Variants in CDH13 observed in about 807,000 individuals in gnomAD.
CDH13 encodes cadherin-13.
Under a neutral mutation model 63.8 loss-of-function variants are expected in CDH13, and 24 were observed. The ratio of observed to expected loss-of-function variants is 0.38; its 90% CI spans 0.27 to 0.53. The LOEUF (loss-of-function observed/expected upper bound fraction) is 0.53, where lower values mean the gene tolerates loss of function less well. Ranked by LOEUF, CDH13 falls within the 20% of genes least tolerant of loss-of-function variation. The pLI is 0.85. For missense variants in CDH13, 1,049 were observed against 903.1 expected (o/e 1.16, Z -2.07); for synonymous variants, 503 against 355.3 (o/e 1.42, Z -4.67).
chr16:82,960,147 A>T (rs1906751110), intron 2 of CDH13, among the ~76,000 whole-genome samples: 2 of 152,082 alleles, frequency 1.3e-5, no homozygotes, highest in South Asian at 4.1e-4. Flanking sequence ...ATCAGAAGGG[A>T]GCCTCTGCAG....
chr16:82,875,099 T>C (rs146377582), intron 2 of CDH13, among the ~76,000 whole-genome samples: 27 of 152,318 alleles, frequency 1.8e-4, no homozygotes, highest in Admixed American at 3.3e-4. Flanking sequence ...TTGTTCATTT[T>C]TGGGGCATGA....
intron 6 of CDH13, among the ~76,000 whole-genome samples, chr16:83,462,454 C>T (rs915877170): frequency 6.6e-6 from 1 of 152,148 alleles, no homozygotes; most frequent in Admixed American, 6.5e-5. Context: ...GTGGTGAGAT[C>T]AAGAAAGAAA....
chr16:83,264,089 C>G (rs1907307454), intron 5 of CDH13, among the ~76,000 whole-genome samples: 1 of 152,148 alleles, frequency 6.6e-6, no homozygotes, highest in Non-Finnish European at 1.5e-5. Flanking sequence ...CTGCCATTAT[C>G]ATAAGTTGGA....
chr16:83,790,180 C>T (rs1916166405), intron 13 of CDH13: 1 of 152,136 alleles, frequency 6.6e-6, no homozygotes, highest in Admixed American at 6.5e-5. Flanking sequence ...ATCAGCGAGG[C>T]CAGCATTCAC....
chr16:83,137,670 GC>G (rs2036352147), intron 4 of CDH13, among the ~76,000 whole-genome samples: 2 of 152,114 alleles, frequency 1.3e-5, no homozygotes, highest in African/African-American at 2.4e-5. Context: ...AGATATCACT[GC>G]CCGTTTTTCT....
chr16:83,664,907 A>C (rs2150844069), intron 8 of CDH13, among the ~76,000 whole-genome samples: 1 of 152,364 alleles, frequency 6.6e-6, no homozygotes, highest in East Asian at 1.9e-4. Context: ...GGACACCCAG[A>C]GGGAATACTA....
chr16:83,167,222 C>G (rs1161900864), intron 4 of CDH13, among the ~76,000 whole-genome samples: 1 of 150,696 alleles, frequency 6.6e-6, no homozygotes, highest in Non-Finnish European at 1.5e-5. Flanking sequence ...AAAGGCCGGG[C>G]ACAGTGGCTC....
intron 3 of CDH13, among the ~76,000 whole-genome samples, chr16:83,072,271 G>A (rs1480371841): frequency 1.3e-5 from 2 of 152,170 alleles, no homozygotes; most frequent in African/African-American, 4.8e-5. Context: ...TGTCCAAGGT[G>A]TTCCAAAGAT....
intron 2 of CDH13, among the ~76,000 whole-genome samples, chr16:82,865,503 A>G (rs1000481430): frequency 2.6e-5 from 4 of 152,178 alleles, no homozygotes; most frequent in African/African-American, 9.7e-5. Context: ...TGGGGCTTGC[A>G]CCCTCTGAAA....
At chr16:83,094,142 G>C (rs72798309) in intron 3 of CDH13, among the ~76,000 whole-genome samples, 7,524 of 152,192 alleles carry the variant, frequency 0.049, 276 homozygotes, top group Non-Finnish European at 0.072. Context: ...TCGTTGCATG[G>C]CTCTGGCTTA....
intron 8 of CDH13, among the ~76,000 whole-genome samples, chr16:83,647,092 C>T (rs541799549): frequency 1.3e-5 from 2 of 152,086 alleles, no homozygotes; most frequent in South Asian, 2.1e-4. Flanking sequence ...GGGCGGATCA[C>T]GAGGTCAGGA....
intron 4 of CDH13, among the ~76,000 whole-genome samples, chr16:83,126,621 G>A (rs2035822709): frequency 5.3e-5 from 8 of 152,178 alleles, no homozygotes; most frequent in Admixed American, 5.2e-4. Context: ...TAGCTTAGGA[G>A]AAGGGACAAG....
At chr16:82,701,398 C>G (rs1473742955) in intron 1 of CDH13, among the ~76,000 whole-genome samples, 2 of 152,128 alleles carry the variant, frequency 1.3e-5, no homozygotes, top group Non-Finnish European at 2.9e-5. Context: ...TGTGCTCCTT[C>G]TTCTCTGGGT....
intron 3 of CDH13, among the ~76,000 whole-genome samples, chr16:83,125,106 G>A (rs1597378859): frequency 6.6e-6 from 1 of 152,298 alleles, no homozygotes; most frequent in African/African-American, 2.4e-5. Flanking sequence ...ACAGCAATAT[G>A]CAAGCAATGA....
intron 2 of CDH13, among the ~76,000 whole-genome samples, chr16:82,947,482 C>G (rs1470290634): frequency 6.6e-6 from 1 of 152,096 alleles, no homozygotes; most frequent in African/African-American, 2.4e-5. Context: ...CGATAATTAT[C>G]TTAATTTGAT....
At chr16:82,986,593 C>G (rs1291761592) in intron 2 of CDH13, among the ~76,000 whole-genome samples, 2 of 152,180 alleles carry the variant, frequency 1.3e-5, no homozygotes, top group Admixed American at 6.5e-5. Context: ...TAACTCTAGA[C>G]TATTGGTTGA....
At chr16:83,007,750 G>C (rs1913686139) in intron 2 of CDH13, among the ~76,000 whole-genome samples, 1 of 151,728 alleles carries the variant, frequency 6.6e-6, no homozygotes, top group Admixed American at 6.6e-5. Flanking sequence ...CTTGAACCCA[G>C]GAGGCGGGGG....
intron 7 of CDH13, among the ~76,000 whole-genome samples, chr16:83,541,848 A>T (rs1261693330): frequency 6.6e-6 from 1 of 152,252 alleles, no homozygotes; most frequent in African/African-American, 2.4e-5. Context: ...ATGAGAATGT[A>T]TAGAGCCCTA....
chr16:83,275,172 C>T (rs2088947645), intron 5 of CDH13, among the ~76,000 whole-genome samples: 1 of 152,108 alleles, frequency 6.6e-6, no homozygotes, highest in South Asian at 2.1e-4. Context: ...CAAGTTTGCC[C>T]CATAGAGCAT....
Sources: gnomAD v4.1 joint callset for allele counts (sites outside exome capture counted in the v4.1 genomes callset) on GRCh38, gnomAD v4.1.1 for gene constraint, MANE v1.5 for transcripts, NCBI Gene and HGNC (gene_info 2026-07-23, HGNC 2026-07-21) for gene names.